Variants in TTYH2 observed in about 807,000 individuals in gnomAD.
TTYH2 encodes protein tweety homolog 2.
In TTYH2, 49 loss-of-function variants were observed where a neutral mutation model predicts 68.3. The ratio of observed to expected loss-of-function variants is 0.72; its 90% CI spans 0.57 to 0.91. TTYH2 has a LOEUF of 0.91. Among genes scored for constraint, TTYH2 ranks in the 40% least tolerant of loss-of-function variants. TTYH2 has a pLI of 0.00. For synonymous variants in TTYH2, 272 were observed against 300.8 expected, an observed-to-expected ratio of 0.90 and a Z score of 0.99; for missense variants, 631 against 700.4, an observed-to-expected ratio of 0.90 and a Z score of 1.12.
intron 2 of TTYH2, among the ~76,000 whole-genome samples, chr17:74,225,351 C>T (rs1227921238): frequency 1.3e-5 from 2 of 151,634 alleles, no homozygotes; most frequent in Non-Finnish European, 2.9e-5. Flanking sequence ...TCAGAAGACA[C>T]AGGGGGCAGA....
intron 10 of TTYH2, among the ~76,000 whole-genome samples, chr17:74,251,097 GTGCGTGTGTGGTGTGTT>G (rs2050619675): frequency 3.7e-5 from 2 of 53,366 alleles, no homozygotes; most frequent in Non-Finnish European, 8.0e-5. Context: ...GTATATGTCT[GTGCGTGTGTGGTGTGTT>G]TCTGCGGTTG....
chr17:74,235,612 G>A (rs956518982), intron 3 of TTYH2, among the ~76,000 whole-genome samples: 17 of 152,158 alleles, frequency 1.1e-4, no homozygotes, highest in African/African-American at 3.9e-4. Context: ...GCACATGGCC[G>A]GGCGTGGTGG....
chr17:74,242,968 T>G (rs940931485), intron 4 of TTYH2, among the ~76,000 whole-genome samples: 1 of 152,190 alleles, frequency 6.6e-6, no homozygotes, highest in Non-Finnish European at 1.5e-5. Context: ...GTGTGGCTAT[T>G]GAAATTAATT....
chr17:74,234,226 G>A (rs977351138), intron 3 of TTYH2, among the ~76,000 whole-genome samples: 7 of 152,324 alleles, frequency 4.6e-5, no homozygotes, highest in Admixed American at 3.3e-4. Flanking sequence ...TGCATCTTAC[G>A]CCCCTAGTCC....
chr17:74,248,161 A>G (rs940769094), intron 6 of TTYH2: 15 of 621,916 alleles, frequency 2.4e-5, no homozygotes, highest in Non-Finnish European at 2.8e-5. Context: ...AGCATGTGCC[A>G]GAGGAGGGGG....
chr17:74,219,387 C>CAAAAAAAAAAAAAAAAAAAAAAAA lies in TTYH2; in HGVS notation c.130-3082_130-3081insAAAAAAAAAAAAAAAAAAAAAAAA, dbSNP rs1031171600. The stretch of plus-strand genomic sequence containing the variant: ...CTGGCGACAGAGCAAGACTCCGTGT[C>CAAAAAAAAAAAAAAAAAAAAAAAA]AAAAAAAAAAAAAAAAGAATAACTT... On this transcript the variant is annotated intron_variant, in intron 1 of 13. Coordinates refer to ENST00000269346, the MANE Select transcript of TTYH2 (RefSeq NM_032646.6). Among the ~76,000 whole-genome samples the CAAAAAAAAAAAAAAAAAAAAAAAA allele has an allele frequency of 4.2e-4, 37 of 88,438 alleles. 2 individuals are homozygous for CAAAAAAAAAAAAAAAAAAAAAAAA. The highest frequency in any genetic ancestry group is 2.0e-3 in the African/African-American group (34 of 16,906). The allele number at this position is 88,438 out of a possible 152,430, so 58.0% of individuals were successfully genotyped here.
intron 2 of TTYH2, among the ~76,000 whole-genome samples, chr17:74,226,466 C>A (rs2050331238): frequency 1.3e-5 from 2 of 152,164 alleles, no homozygotes; most frequent in African/African-American, 2.4e-5. Context: ...TTGGGAAAAA[C>A]CCTTGGGTTA....
At chr17:74,220,378 T>C (rs1473425057) in intron 1 of TTYH2, among the ~76,000 whole-genome samples, 2 of 152,236 alleles carry the variant, frequency 1.3e-5, no homozygotes, top group Non-Finnish European at 2.9e-5. Context: ...ATGGAATATA[T>C]GTTGCCTGGG....
chr17:74,252,162 C>T (rs2050637530), intron 10 of TTYH2, 72 bp from the exon 11 acceptor site: 2 of 1,586,422 alleles, frequency 1.3e-6, no homozygotes, highest in South Asian at 2.3e-5. Context: ...AGAGGGACTT[C>T]CAGAGGAGAG....
intron 2 of TTYH2, among the ~76,000 whole-genome samples, chr17:74,223,001 CA>C (rs2143721504): frequency 6.6e-6 from 1 of 152,284 alleles, no homozygotes; most frequent in African/African-American, 2.4e-5. Context: ...TCTGTGAGGT[CA>C]GAAGAAAGTT....
At chr17:74,230,798 C>A (rs1171467494) in intron 2 of TTYH2, 90 bp from the exon 3 acceptor site, 3 of 1,345,226 alleles carry the variant, frequency 2.2e-6, no homozygotes, top group Admixed American at 2.1e-5. Context: ...GCATGAGCCA[C>A]CGCACCCAAC....
chr17:74,260,072 CTGG>C, intron 13 of TTYH2, 54 bp from the exon 14 acceptor site: 1 of 1,510,020 alleles, frequency 6.6e-7, no homozygotes, highest in East Asian at 2.3e-5. Flanking sequence ...GGCACCTTTG[CTGG>C]TGCAGTGCTT....
At chr17:74,252,840 G>C (rs1182559794) in intron 11 of TTYH2, among the ~76,000 whole-genome samples, 1 of 152,212 alleles carries the variant, frequency 6.6e-6, no homozygotes, top group Non-Finnish European at 1.5e-5. Flanking sequence ...ACGCAGGGTA[G>C]TGGGGACCCA....
intron 2 of TTYH2, among the ~76,000 whole-genome samples, chr17:74,223,406 G>A (rs926108167): frequency 6.6e-5 from 10 of 152,084 alleles, no homozygotes; most frequent in Admixed American, 1.3e-4. Context: ...GATTACAGGC[G>A]TGAGGCACTA....
chr17:74,233,220 G>C (rs1330288153), intron 3 of TTYH2, among the ~76,000 whole-genome samples: 1 of 152,154 alleles, frequency 6.6e-6, no homozygotes, highest in Admixed American at 6.5e-5. Flanking sequence ...CTTGCCTCCA[G>C]GTGGAAAGGT....
In TTYH2 at chr17:74,260,147, G is replaced by C; in HGVS notation, c.1543G>C (p.Ala515Pro). 6.2e-7 allele frequency: 1 copy of C among 1,613,852 alleles called. No individual in the cohort carries two copies. Among genetic ancestry groups the C allele is most frequent in the Non-Finnish European group, 8.5e-7 (1 of 1,179,850 alleles). ...PPPTYSPSMR[A>P]TYLSVADEHL... Reference sequence around the variant, plus strand: ...TTGGCAGTACTCTCCCAGCATGAGAGCCACCTACCTGTCTGTGGCGGATGA... The same window carrying C: ...TTGGCAGTACTCTCCCAGCATGAGACCCACCTACCTGTCTGTGGCGGATGA... The change falls in exon 14 of 14, where the codon GCC becomes CCC. Residue 515 changes from alanine (A) to proline (P), a missense_variant. Transcript: ENST00000269346.
At position 74,237,479 on chromosome 17, in the gene TTYH2, G is replaced by C; in HGVS notation, c.600G>C (p.Lys200Asn). 15 of 1,613,776 alleles carry C rather than the reference G, an allele frequency of 9.3e-6. No individual in the cohort carries two copies. Among genetic ancestry groups the C allele is most frequent in the Non-Finnish European group, 1.3e-5 (15 of 1,179,806 alleles). ...VWREVTMELT[K>N]LSDQTGYVEY... ...GGGAGGTCACCATGGAGCTGACCAAGCTATCCGACCAGACTGGCTACGTGG... is the reference window on the plus strand; with the variant it reads ...GGGAGGTCACCATGGAGCTGACCAACCTATCCGACCAGACTGGCTACGTGG... Residue 200 changes from lysine to asparagine, a missense_variant, in exon 4 of 14, where the codon AAG becomes AAC. Coordinates refer to ENST00000269346, the MANE Select transcript of TTYH2 (RefSeq NM_032646.6).
rs1053290536 is a variant in TTYH2 at position 74,241,051 on chromosome 17, T to C, written c.636-2323T>C. The C allele has an allele frequency of 6.6e-6, 1 of 152,256 alleles. No homozygotes were observed. Among genetic ancestry groups the C allele is most frequent in the Non-Finnish European group, 1.5e-5 (1 of 68,108 alleles). 9.4% of individuals were successfully genotyped at this position (152,256 alleles called of 1,614,324 possible). A position where few individuals can be genotyped will look rare whatever the true frequency, so the allele number is the denominator to read the frequency against. ...GGTGCCCTGTAGCTGGCTGTGTCCCTTGCAGGAAGCTTGATGTAGACAATG... is the reference window on the plus strand; with the variant it reads ...GGTGCCCTGTAGCTGGCTGTGTCCCCTGCAGGAAGCTTGATGTAGACAATG... On this transcript the variant is annotated intron_variant, in intron 4 of 13. Transcript: ENST00000269346. This position sits in a 1 kb window ranked among gnomAD's most constrained non-coding sequence, Gnocchi z 4.1.
chr17:74,259,920 C>T (rs572022685), intron 13 of TTYH2, among the ~76,000 whole-genome samples: 6 of 152,188 alleles, frequency 3.9e-5, no homozygotes, highest in Admixed American at 2.0e-4. Context: ...TGTGCTGGGG[C>T]GGAGTGGACA....
Sources: gnomAD v4.1 joint callset for allele counts (sites outside exome capture counted in the v4.1 genomes callset) on GRCh38, gnomAD v4.1.1 for gene constraint, Gnocchi (gnomAD v3.1) non-coding constraint, MANE v1.5 for transcripts, NCBI Gene and HGNC (gene_info 2026-07-23, HGNC 2026-07-21) for gene names.